The following GATAD2B variants were observed in gnomAD, a reference collection of about 807,000 sequenced individuals.
GATAD2B encodes the protein transcriptional repressor p66-beta.
GATAD2B carries 8 observed loss-of-function variants against 64.3 expected under a neutral mutation model. The observed-to-expected ratio is 0.12, with a 90% CI of 0.07 to 0.22. The LOEUF (loss-of-function observed/expected upper bound fraction) is 0.22, where lower values mean the gene tolerates loss of function less well. GATAD2B is among the 10% of genes least tolerant of loss of function. The pLI, the probability that GATAD2B is intolerant of heterozygous loss-of-function variation, is 1.00. For synonymous variants in GATAD2B, 281 were observed against 271.3 expected (o/e 1.04, Z -0.35); for missense variants, 453 against 752.0 (o/e 0.60, Z 4.65).
rs1210762613 is a variant in GATAD2B at position 153,861,791 on chromosome 1, A to T, written c.-1-33443T>A. On this transcript the variant is annotated intron_variant, in intron 1 of 10. Transcript: ENST00000368655. ...AGCGAGACTCCATTTCAAAAAAAAAAAAAAATATATATATATATACACATA... is the reference window on the plus strand; with the variant it reads ...AGCGAGACTCCATTTCAAAAAAAAATAAAAATATATATATATATACACATA... Among the ~76,000 whole-genome samples the T allele has an allele frequency of 4.0e-4, 35 of 87,082 alleles. 1 individual carries two copies. Among genetic ancestry groups the T allele is most frequent in the South Asian group, 7.6e-4 (2 of 2,620 alleles). 57.1% of individuals were successfully genotyped at this position (87,082 alleles called of 152,430 possible).
intron 1 of GATAD2B, among the ~76,000 whole-genome samples, chr1:153,878,022 C>A (rs1238008243): frequency 6.6e-6 from 1 of 151,932 alleles, no homozygotes; most frequent in African/African-American, 2.4e-5. Flanking sequence ...CAGTACTCAA[C>A]AGACTAGGAA....
intron 1 of GATAD2B, among the ~76,000 whole-genome samples, chr1:153,881,205 C>T (rs533653243): frequency 1.3e-5 from 2 of 152,248 alleles, no homozygotes; most frequent in South Asian, 4.1e-4. Context: ...GATGCCAACA[C>T]TCAGTCAGCT....
intron 1 of GATAD2B, among the ~76,000 whole-genome samples, chr1:153,912,088 A>G (rs1014608667): frequency 1.3e-4 from 20 of 152,236 alleles, no homozygotes; most frequent in Non-Finnish European, 2.5e-4. Context: ...CTCTTCGGTG[A>G]TATCTACCCA....
rs558599118 is a variant in GATAD2B at position 153,845,383 on chromosome 1, T to TA, written c.-1-17036dup. Among the ~76,000 whole-genome samples, 299 of 136,584 alleles carry TA rather than the reference T, an allele frequency of 2.2e-3. 7 individuals carry two copies. The South Asian group carries it at 0.068, about 31-fold the overall frequency. 89.6% of individuals were successfully genotyped at this position (136,584 alleles called of 152,430 possible). A position where few individuals can be genotyped will look rare whatever the true frequency, so the allele number is the denominator to read the frequency against. ...ACAACAGAGCCAGACCCTGTATCAG[T>TA]AAAAAAAAGAAAAAAAAAAAAATTC... is the stretch of plus-strand genomic sequence containing the variant. On this transcript the variant is annotated intron_variant, in intron 1 of 10. Coordinates refer to ENST00000368655, the MANE Select transcript of GATAD2B (RefSeq NM_020699.4).
chr1:153,903,231 A>G (rs1677831997), intron 1 of GATAD2B, among the ~76,000 whole-genome samples: 2 of 151,920 alleles, frequency 1.3e-5, no homozygotes, highest in South Asian at 2.1e-4. Flanking sequence ...AAAAAAAAAA[A>G]GTGGTTACAA....
chr1:153,829,126 G>C (rs1674989691), intron 1 of GATAD2B, among the ~76,000 whole-genome samples: 1 of 152,028 alleles, frequency 6.6e-6, no homozygotes, highest in South Asian at 2.1e-4. Context: ...GATTGCTTGA[G>C]CCCAGGAGGT....
rs186134807 is a variant in GATAD2B at position 153,860,521 on chromosome 1, G to T, written c.-1-32173C>A. ...AGCTAACTTTAAAATTTTTTGCAGA[G>T]ATTGGGTCTTGCTATGTTGCCCAGG... On this transcript the variant is annotated intron_variant, in intron 1 of 10. Transcript: ENST00000368655. Among the ~76,000 whole-genome samples, 236 of 151,968 alleles carry T rather than the reference G, an allele frequency of 1.6e-3. 2 individuals are homozygous for T. Among genetic ancestry groups the T allele is most frequent in the African/African-American group, 5.5e-3 (227 of 41,462 alleles).
In GATAD2B at chr1:153,804,792, T is replaced by TC. The variant is rs1440822642; in HGVS notation, c.*5384dup. ...TGATAAATATTACAAAGTTTTTTTT[T>TC]CTTTTAATCCTTTCTCCAAAAATTA... On this transcript the variant is annotated 3_prime_UTR_variant, in exon 11 of 11. Coordinates refer to ENST00000368655, the MANE Select transcript of GATAD2B (RefSeq NM_020699.4). The TC allele has an allele frequency of 6.6e-6, 1 of 152,668 alleles. No homozygotes were observed. Among genetic ancestry groups the TC allele is most frequent in the Admixed American group, 6.5e-5 (1 of 15,282 alleles). The allele number at this position is 152,668 out of a possible 1,614,324, so 9.5% of individuals were successfully genotyped here. A position where few individuals can be genotyped will look rare whatever the true frequency, so the allele number is the denominator to read the frequency against.
At chr1:153,852,652 G>A in intron 1 of GATAD2B, 1 of 856,638 alleles carries the variant, frequency 1.2e-6, no homozygotes, top group Non-Finnish European at 2.0e-6. Context: ...GAAGAACGGA[G>A]CTGAGAAATG....
intron 2 of GATAD2B, among the ~76,000 whole-genome samples, chr1:153,827,207 C>T (rs1425553938): frequency 2.0e-5 from 3 of 146,800 alleles, no homozygotes; most frequent in African/African-American, 7.6e-5. Flanking sequence ...AGGCCACTCA[C>T]TACACGCCAG....
chr1:153,886,397 T>C (rs1025254582), intron 1 of GATAD2B: 2 of 152,118 alleles, frequency 1.3e-5, no homozygotes, highest in Non-Finnish European at 2.9e-5. Flanking sequence ...ACATAGAAAA[T>C]GTATGGCAAA....
intron 1 of GATAD2B, among the ~76,000 whole-genome samples, chr1:153,848,452 A>G (rs1675764478): frequency 6.6e-6 from 1 of 152,048 alleles, no homozygotes; most frequent in Non-Finnish European, 1.5e-5. Context: ...GGGACTTCAC[A>G]TCTCTGGGTC....
rs1182923865 is a variant in GATAD2B at position 153,816,557 on chromosome 1, G to A, written c.932C>T (p.Thr311Ile). 6.2e-7 allele frequency: 1 copy of A among 1,613,154 alleles called. No individual in the cohort carries two copies. The highest frequency in any genetic ancestry group is 1.1e-5 in the South Asian group (1 of 91,072). The change falls in exon 7 of 11, where the codon ACA becomes ATA. Residue 311 changes from threonine to isoleucine, a missense_variant. Thr to Ile is a moderately conservative substitution (Grantham distance 89). Transcript: ENST00000368655. The surrounding 1 kb of genome is among the most constrained non-coding windows in gnomAD (Gnocchi z 4.9). ...QSSSSVPCQR[T>I]TSSAIYMNLA... ...GTTCATATAGATGGCAGAGGATGTTGTACGCTGACATGGAACAGAAGAACT... is the reference window on the plus strand; with the variant it reads ...GTTCATATAGATGGCAGAGGATGTTATACGCTGACATGGAACAGAAGAACT...
chr1:153,834,188 T>C (rs957564373), intron 1 of GATAD2B, among the ~76,000 whole-genome samples: 1 of 150,836 alleles, frequency 6.6e-6, no homozygotes, highest in Non-Finnish European at 1.5e-5. Flanking sequence ...ATTTTTGCTA[T>C]AGAGATGGGG....
intron 1 of GATAD2B, among the ~76,000 whole-genome samples, chr1:153,912,867 C>A (rs969465780): frequency 1.3e-5 from 2 of 151,886 alleles, no homozygotes; most frequent in African/African-American, 2.4e-5. Context: ...TCGAGGCAGG[C>A]GGATCACCTG....
At chr1:153,819,579 A>G in intron 3 of GATAD2B, 27 bp downstream of exon 3, 1 of 1,522,336 alleles carries the variant, frequency 6.6e-7, no homozygotes, top group Non-Finnish European at 8.9e-7. Context: ...GCATAACAAG[A>G]AGAAAGAAAT....
chr1:153,902,143 G>A (rs1677798824), intron 1 of GATAD2B, among the ~76,000 whole-genome samples: 1 of 152,030 alleles, frequency 6.6e-6, no homozygotes, highest in Admixed American at 6.6e-5. Flanking sequence ...AGCTGGGCAT[G>A]GTGGCACATG....
At chr1:153,837,059 T>C (rs1279043226) in intron 1 of GATAD2B, among the ~76,000 whole-genome samples, 1 of 152,216 alleles carries the variant, frequency 6.6e-6, no homozygotes, top group African/African-American at 2.4e-5. Context: ...CTCAACTTTA[T>C]GCACTCACAA....
intron 1 of GATAD2B, among the ~76,000 whole-genome samples, chr1:153,901,979 A>C (rs1348175337): frequency 5.7e-5 from 3 of 52,304 alleles, no homozygotes; most frequent in Non-Finnish European, 1.2e-4. Context: ...ACTCCGTCTC[A>C]AAAAAAAAAA....
Sources: allele counts gnomAD v4.1 joint callset (sites outside exome capture counted in the v4.1 genomes callset), GRCh38; gene constraint gnomAD v4.1.1; non-coding constraint Gnocchi (gnomAD v3.1); transcripts MANE v1.5; gene names NCBI Gene and HGNC (gene_info 2026-07-23, HGNC 2026-07-21).